Variants in ADGRB3 observed in about 807,000 individuals in gnomAD.
ADGRB3 encodes the protein adhesion G protein-coupled receptor B3.
In ADGRB3, 37 loss-of-function variants were observed where a neutral mutation model predicts 193.4. That is an observed-to-expected ratio of 0.19 (90% CI 0.15 to 0.25). ADGRB3 has a LOEUF of 0.25. Ranked by LOEUF, ADGRB3 falls within the 10% of genes least tolerant of loss-of-function variation. The probability of loss-of-function intolerance (pLI) is 1.00; values close to 1 mark genes in which losing one functional copy is unlikely to be tolerated. For synonymous variants in ADGRB3, 690 were observed against 644.2 expected (o/e 1.07, Z -1.08); for missense variants, 1,637 against 1,852.9 (o/e 0.88, Z 2.14).
At chr6:69,030,488 C>A (rs1191470658) in intron 13 of ADGRB3, among the ~76,000 whole-genome samples, 1 of 152,110 alleles carries the variant, frequency 6.6e-6, no homozygotes, top group Non-Finnish European at 1.5e-5. Context: ...AGCTGGAAAC[C>A]ATCATTCTTA....
At chr6:68,757,630 C>T (rs920443205) in intron 3 of ADGRB3, among the ~76,000 whole-genome samples, 1 of 152,022 alleles carries the variant, frequency 6.6e-6, no homozygotes, top group Non-Finnish European at 1.5e-5. Context: ...TTTCTCTTCA[C>T]TTTCTTATAA....
chr6:68,922,569 G>A (rs1287903634), intron 3 of ADGRB3, among the ~76,000 whole-genome samples: 1 of 152,178 alleles, frequency 6.6e-6, no homozygotes, highest in Admixed American at 6.5e-5. Flanking sequence ...CTCTTGGTCT[G>A]CTGGGAGATA....
chr6:69,276,060 A>G (rs1767297133), intron 20 of ADGRB3, among the ~76,000 whole-genome samples: 1 of 152,222 alleles, frequency 6.6e-6, no homozygotes, highest in Non-Finnish European at 1.5e-5. Context: ...ACTTCATTCA[A>G]ACTTGGCATA....
chr6:69,330,659 G>A (rs1768700162), intron 23 of ADGRB3, 87 bp downstream of exon 23: 1 of 1,098,206 alleles, frequency 9.1e-7, no homozygotes, highest in Middle Eastern at 2.5e-4. Context: ...TTTTGATAAT[G>A]TAGTTCTTGT....
chr6:69,351,276 G>A (rs541563836), intron 26 of ADGRB3, among the ~76,000 whole-genome samples: 1 of 151,076 alleles, frequency 6.6e-6, no homozygotes, highest in Non-Finnish European at 1.5e-5. Flanking sequence ...TATTTTTTTA[G>A]TAGAGATGGG....
At chr6:69,078,273 T>A (rs1268302054) in intron 17 of ADGRB3, among the ~76,000 whole-genome samples, 1 of 151,990 alleles carries the variant, frequency 6.6e-6, no homozygotes, top group Non-Finnish European at 1.5e-5. Flanking sequence ...GAGTATTTTT[T>A]ACTTGTAAAA....
intron 17 of ADGRB3, among the ~76,000 whole-genome samples, chr6:69,132,044 G>A (rs1007920145): frequency 6.6e-6 from 1 of 152,076 alleles, no homozygotes; most frequent in African/African-American, 2.4e-5. Flanking sequence ...CATTTGGATT[G>A]GTTCCAAGCC....
intron 3 of ADGRB3, among the ~76,000 whole-genome samples, chr6:68,833,947 T>C (rs1562048961): frequency 7.2e-6 from 1 of 138,902 alleles, no homozygotes; most frequent in African/African-American, 2.9e-5. Flanking sequence ...GTGTAAACTC[T>C]ATACAGGAAG....
intron 20 of ADGRB3, among the ~76,000 whole-genome samples, chr6:69,315,845 T>C (rs1435627572): frequency 6.6e-6 from 1 of 151,490 alleles, no homozygotes; most frequent in African/African-American, 2.4e-5. Flanking sequence ...TTAGTTTGTC[T>C]TATATTGTTG....
At chr6:68,855,055 C>A (rs920186702) in intron 3 of ADGRB3, among the ~76,000 whole-genome samples, 3 of 152,194 alleles carry the variant, frequency 2.0e-5, no homozygotes, top group Non-Finnish European at 4.4e-5. Flanking sequence ...CAGGAAGGAA[C>A]CTGCATCCAA....
At chr6:69,167,120 C>T (rs995173827) in intron 17 of ADGRB3, among the ~76,000 whole-genome samples, 1 of 152,062 alleles carries the variant, frequency 6.6e-6, no homozygotes, top group Admixed American at 6.6e-5. Flanking sequence ...ATTTATTGCT[C>T]ATCCCATGCA....
chr6:68,685,714 TA>T (rs1012399235), intron 3 of ADGRB3, among the ~76,000 whole-genome samples: 4 of 149,708 alleles, frequency 2.7e-5, no homozygotes, highest in Non-Finnish European at 1.5e-5. Context: ...CCGTCTCTAC[TA>T]AAAAAAATAC....
chr6:69,230,620 C>A (rs539666538), intron 17 of ADGRB3, among the ~76,000 whole-genome samples: 22 of 152,046 alleles, frequency 1.4e-4, no homozygotes, highest in African/African-American at 5.1e-4. Flanking sequence ...TTAAAAAAAA[C>A]TCTCATGAGT....
At chr6:68,889,659 C>T (rs570385696) in intron 3 of ADGRB3, among the ~76,000 whole-genome samples, 16 of 152,008 alleles carry the variant, frequency 1.1e-4, no homozygotes, top group East Asian at 5.8e-4. Context: ...TCCGCCACCA[C>T]GCCTGGCTAA....
At position 69,339,442 on chromosome 6, in the gene ADGRB3, G is replaced by T. The variant is rs376667685; in HGVS notation, c.3397G>T (p.Ala1133Ser). The T allele has an allele frequency of 1.9e-6, 3 of 1,613,844 alleles. No homozygotes were observed. The highest frequency in any genetic ancestry group is 2.5e-6 in the Non-Finnish European group (3 of 1,179,902). Reference protein sequence around the residue: ...KRSILFQILFAVFDSLQGFVI... With the variant: ...KRSILFQILFSVFDSLQGFVI... ...CTCCATATTGTTTCAAATACTTTTT[G>T]CTGTGTTTGATTCATTGCAAGGCTT... Residue 1133 changes from alanine to serine, a missense_variant, in exon 26 of 32, where the codon GCT (alanine) becomes TCT (serine). Coordinates refer to ENST00000370598, the MANE Select transcript of ADGRB3 (RefSeq NM_001704.3).
At chr6:69,130,724 T>C (rs915721190) in intron 17 of ADGRB3, among the ~76,000 whole-genome samples, 2 of 151,994 alleles carry the variant, frequency 1.3e-5, no homozygotes, top group Non-Finnish European at 1.5e-5. Context: ...TATTATTAAG[T>C]TGTAAACTTG....
intron 17 of ADGRB3, among the ~76,000 whole-genome samples, chr6:69,113,722 T>G (rs1443980587): frequency 1.3e-5 from 2 of 152,328 alleles, no homozygotes; most frequent in African/African-American, 2.4e-5. Flanking sequence ...ATTATTTTCC[T>G]TCTGGGAAGT....
chr6:68,779,437 G>A (rs990759575), intron 3 of ADGRB3, among the ~76,000 whole-genome samples: 1 of 151,884 alleles, frequency 6.6e-6, no homozygotes, highest in East Asian at 1.9e-4. Context: ...TGGGGTCACT[G>A]AAGATCTGGA....
intron 20 of ADGRB3, among the ~76,000 whole-genome samples, chr6:69,246,606 T>C (rs1045472722): frequency 6.6e-6 from 1 of 152,208 alleles, no homozygotes; most frequent in Admixed American, 6.5e-5. Flanking sequence ...ATTATTCATT[T>C]CCAGATTTGT....
Sources: allele counts gnomAD v4.1 joint callset (sites outside exome capture counted in the v4.1 genomes callset), GRCh38; gene constraint gnomAD v4.1.1; transcripts MANE v1.5; gene names NCBI Gene and HGNC (gene_info 2026-07-23, HGNC 2026-07-21).